Variants in OLFM3 observed in about 807,000 individuals in gnomAD.
OLFM3 encodes olfactomedin 3.
A neutral mutation model predicts 48.6 loss-of-function variants in OLFM3; 20 were observed. That is an observed-to-expected ratio of 0.41 (90% confidence interval 0.29 to 0.60). The LOEUF (loss-of-function observed/expected upper bound fraction) is 0.60. OLFM3 is among the 20% of genes least tolerant of loss of function. The pLI is 0.28. For missense variants in OLFM3, 437 were observed against 544.3 expected, an observed-to-expected ratio of 0.80 and a Z score of 1.96; for synonymous variants, 222 against 198.1, an observed-to-expected ratio of 1.12 and a Z score of -1.01.
intron 3 of OLFM3, among the ~76,000 whole-genome samples, chr1:101,828,042 G>GTCTCTCTC (rs1654957402): frequency 8.1e-6 from 1 of 122,740 alleles, no homozygotes; most frequent in African/African-American, 3.3e-5. Context: ...CTGTCTGTCT[G>GTCTCTCTC]TCTGTCTGTC....
At chr1:101,832,181 G>A (rs771696393) in intron 2 of OLFM3, among the ~76,000 whole-genome samples, 18 of 152,250 alleles carry the variant, frequency 1.2e-4, no homozygotes, top group Non-Finnish European at 1.9e-4. Context: ...GAGCCACTGC[G>A]TCCAGCCAAT....
At chr1:101,866,592 A>G (rs939225032) in intron 1 of OLFM3, among the ~76,000 whole-genome samples, 3 of 152,158 alleles carry the variant, frequency 2.0e-5, no homozygotes, top group African/African-American at 7.2e-5. Context: ...TAGCTATGAA[A>G]GAACATAGAA....
chr1:101,824,287 A>G (rs1406152354), intron 4 of OLFM3, among the ~76,000 whole-genome samples: 1 of 152,180 alleles, frequency 6.6e-6, no homozygotes, highest in Non-Finnish European at 1.5e-5. Context: ...TATTCAATTC[A>G]TAGCCACTTA....
intron 1 of OLFM3, among the ~76,000 whole-genome samples, chr1:101,863,094 G>A (rs1340773492): frequency 1.3e-5 from 2 of 151,470 alleles, no homozygotes; most frequent in East Asian, 3.9e-4. Context: ...CCAAGTAGCT[G>A]AGATTACAGG....
At chr1:101,926,168 G>A (rs770057083) in intron 1 of OLFM3, among the ~76,000 whole-genome samples, 2 of 152,054 alleles carry the variant, frequency 1.3e-5, no homozygotes, top group Non-Finnish European at 2.9e-5. Context: ...TAAAATATTA[G>A]AATTTTCTAA....
intron 1 of OLFM3, among the ~76,000 whole-genome samples, chr1:101,880,382 T>C (rs1221363642): frequency 6.6e-6 from 1 of 151,880 alleles, no homozygotes; most frequent in African/African-American, 2.4e-5. Flanking sequence ...ATATTTAAGA[T>C]GCTGAGTATT....
At chr1:101,811,757 C>T (rs761161732) in intron 4 of OLFM3, among the ~76,000 whole-genome samples, 1 of 152,104 alleles carries the variant, frequency 6.6e-6, no homozygotes, top group Non-Finnish European at 1.5e-5. Flanking sequence ...ACTAGTTCAA[C>T]CATTGTGGAA....
chr1:101,978,161 G>A (rs1661005981), intron 1 of OLFM3, among the ~76,000 whole-genome samples: 8 of 152,096 alleles, frequency 5.3e-5, no homozygotes, highest in Admixed American at 5.2e-4. Context: ...CCTTGAGGGA[G>A]GTATTATTTT....
chr1:101,957,100 T>C (rs1370381980), intron 1 of OLFM3, among the ~76,000 whole-genome samples: 1 of 151,974 alleles, frequency 6.6e-6, no homozygotes, highest in African/African-American at 2.4e-5. Flanking sequence ...ATCTTTCTTT[T>C]AGTTCCACAA....
chr1:101,978,825 C>CT (rs537274804), intron 1 of OLFM3, among the ~76,000 whole-genome samples: 39 of 151,258 alleles, frequency 2.6e-4, no homozygotes, highest in Non-Finnish European at 4.0e-4. Context: ...TCACATAGGT[C>CT]TTTTTTTTTC....
chr1:101,980,414 G>C (rs1006854672), intron 1 of OLFM3, among the ~76,000 whole-genome samples: 1 of 152,082 alleles, frequency 6.6e-6, no homozygotes, highest in African/African-American at 2.4e-5. Flanking sequence ...GGATCATGGG[G>C]GTGGTGTCCT....
In OLFM3 at chr1:101,804,398, G is replaced by C; in HGVS notation, c.1217C>G (p.Thr406Arg). Residue 406 changes from threonine to arginine, a missense_variant, in exon 6 of 6, where the codon ACA (threonine) becomes AGA (arginine). This residue lies in a region of OLFM3 where 108 missense variants were observed against 135.8 expected (regional missense o/e 0.80). Transcript: ENST00000370103. This position sits in a 1 kb window ranked among gnomAD's most constrained non-coding sequence, Gnocchi z 4.5. ...GAAGGGAATGTCTGTGTACTCATAT[G>C]TGGAGGTTTTGGTGGAATAGGAATA... ...VYYSYSTKTS[T>R]YEYTDIPFHN... 1 of 1,612,578 alleles carries C rather than the reference G, an allele frequency of 6.2e-7. No individual in the cohort carries two copies. The highest frequency in any genetic ancestry group is 1.1e-5 in the South Asian group (1 of 91,060).
intron 3 of OLFM3, among the ~76,000 whole-genome samples, chr1:101,828,056 C>CTCTCTCTG (rs533160208): frequency 2.2e-3 from 287 of 128,678 alleles, no homozygotes; most frequent in African/African-American, 7.9e-3. Flanking sequence ...GTCTGTCTCT[C>CTCTCTCTG]TCTCTCTCTG....
chr1:101,804,027 GATAGGCCTTGT>G lies in OLFM3; in HGVS notation c.*200_*210del. 2.4e-6 allele frequency: 1 copy of G among 424,766 alleles called. No individual in the cohort carries two copies. Among genetic ancestry groups the G allele is most frequent in the Non-Finnish European group, 4.2e-6 (1 of 240,558 alleles). The allele number at this position is 424,766 out of a possible 1,614,324, so 26.3% of individuals were successfully genotyped here. ...TTAGTGCTTTTCATGACAAGGACAT[GATAGGCCTTGT>G]AAATTTAGAAGTTAAGATGTGTTTC... is the stretch of plus-strand genomic sequence containing the variant. On this transcript the variant is annotated 3_prime_UTR_variant, in exon 6 of 6. Transcript: ENST00000370103. The surrounding 1 kb of genome is among the most constrained non-coding windows in gnomAD (Gnocchi z 4.5).
intron 1 of OLFM3, among the ~76,000 whole-genome samples, chr1:101,978,303 TC>T (rs1280598596): frequency 1.3e-5 from 2 of 152,006 alleles, no homozygotes; most frequent in Non-Finnish European, 2.9e-5. Flanking sequence ...ATATAATAAT[TC>T]CCACAAAGAT....
intron 4 of OLFM3, among the ~76,000 whole-genome samples, chr1:101,824,325 G>A (rs1209060376): frequency 6.6e-6 from 1 of 152,050 alleles, no homozygotes; most frequent in Non-Finnish European, 1.5e-5. Flanking sequence ...TTGCAGACTA[G>A]TCCCATGTTG....
chr1:101,941,465 T>G (rs1659793492), intron 1 of OLFM3, among the ~76,000 whole-genome samples: 1 of 152,056 alleles, frequency 6.6e-6, no homozygotes, highest in Non-Finnish European at 1.5e-5. Flanking sequence ...TATAGTTATA[T>G]TCTTTGCGGA....
chr1:101,832,283 G>A (rs1040026006), intron 2 of OLFM3, among the ~76,000 whole-genome samples: 2 of 152,230 alleles, frequency 1.3e-5, no homozygotes, highest in Middle Eastern at 3.2e-3. Flanking sequence ...ACAAAGGGAT[G>A]ACTTGTTCAG....
Position 101,822,747 on chromosome 1 carries a change from T to G in OLFM3, c.592+2279A>C, listed in dbSNP as rs369747321. 8.5e-5 allele frequency among the ~76,000 whole-genome samples: 13 copies of G among 152,254 alleles called. No individual in the cohort carries two copies. The East Asian group carries it at 2.5e-3, about 29-fold the overall frequency. On this transcript the variant is annotated intron_variant, in intron 4 of 5. Transcript: ENST00000370103. ...CATCTGGCAAGCCCTGTCACTAATATGGGCATTAAACTAAAGATATTTCTT... is the reference window on the plus strand; with the variant it reads ...CATCTGGCAAGCCCTGTCACTAATAGGGGCATTAAACTAAAGATATTTCTT...
Sources: allele counts gnomAD v4.1 joint callset (sites outside exome capture counted in the v4.1 genomes callset), GRCh38; gene constraint gnomAD v4.1.1; regional missense constraint gnomAD v4.1.1; non-coding constraint Gnocchi (gnomAD v3.1); transcripts MANE v1.5; gene names NCBI Gene and HGNC (gene_info 2026-07-23, HGNC 2026-07-21).